Variants in NEGR1 observed in about 807,000 individuals in gnomAD.
The protein encoded by NEGR1 is IgLON family member 4.
Under a neutral mutation model 40.9 loss-of-function variants are expected in NEGR1, and 10 were observed. The ratio of observed to expected loss-of-function variants is 0.24; its 90% CI spans 0.15 to 0.42. The LOEUF is 0.42. NEGR1 is among the 10% of genes least tolerant of loss of function. NEGR1 has a pLI of 1.00. For missense variants in NEGR1, 352 were observed against 438.9 expected (o/e 0.80, Z 1.77); for synonymous variants, 185 against 166.8 (o/e 1.11, Z -0.84).
intron 1 of NEGR1, among the ~76,000 whole-genome samples, chr1:72,011,528 A>G (rs1010129272): frequency 5.9e-5 from 9 of 152,166 alleles, no homozygotes; most frequent in Admixed American, 2.6e-4. Flanking sequence ...GTCAGTCACA[A>G]GTAATCGCCA....
chr1:72,145,561 C>T (rs962947080), intron 1 of NEGR1, among the ~76,000 whole-genome samples: 1 of 152,050 alleles, frequency 6.6e-6, no homozygotes, highest in African/African-American at 2.4e-5. Flanking sequence ...TTTGTCCACT[C>T]GATGAAATGG....
chr1:71,600,573 A>C (rs1312019188), intron 5 of NEGR1, among the ~76,000 whole-genome samples: 1 of 152,198 alleles, frequency 6.6e-6, no homozygotes, highest in Non-Finnish European at 1.5e-5. Context: ...CTTACAAACA[A>C]AGGAGCCAAC....
intron 1 of NEGR1, among the ~76,000 whole-genome samples, chr1:71,962,677 TAGA>T (rs1006676544): frequency 6.6e-5 from 10 of 152,190 alleles, no homozygotes; most frequent in Admixed American, 1.3e-4. Flanking sequence ...AATGCTAATT[TAGA>T]AGAATAAAAA....
intron 1 of NEGR1, among the ~76,000 whole-genome samples, chr1:72,081,383 TAC>T (rs989225278): frequency 1.3e-5 from 2 of 152,136 alleles, no homozygotes; most frequent in Non-Finnish European, 2.9e-5. Flanking sequence ...TCAAAGATTC[TAC>T]AGTTATTATT....
intron 3 of NEGR1, among the ~76,000 whole-genome samples, chr1:71,767,829 C>T (rs978721398): frequency 7.9e-5 from 12 of 152,230 alleles, no homozygotes; most frequent in African/African-American, 2.9e-4. Context: ...AGCCTCAGAA[C>T]ATAGCTCCCT....
chr1:71,766,810 T>C (rs973218892), intron 3 of NEGR1, among the ~76,000 whole-genome samples: 1 of 152,154 alleles, frequency 6.6e-6, no homozygotes, highest in East Asian at 1.9e-4. Flanking sequence ...ACTATCCCTT[T>C]AGTGCTGTTC....
At chr1:72,088,184 A>T (rs2100539417) in intron 1 of NEGR1, among the ~76,000 whole-genome samples, 1 of 152,300 alleles carries the variant, frequency 6.6e-6, no homozygotes, top group East Asian at 1.9e-4. Flanking sequence ...ATGAAATCAT[A>T]GAGCAGGAAG....
chr1:72,115,245 TGCAC>T (rs1649538181), intron 1 of NEGR1, among the ~76,000 whole-genome samples: 2 of 151,760 alleles, frequency 1.3e-5, no homozygotes, highest in Non-Finnish European at 2.9e-5. Context: ...AATGTCATAA[TGCAC>T]TGGGTTGAGA....
intron 1 of NEGR1, among the ~76,000 whole-genome samples, chr1:71,936,067 G>C (rs966076576): frequency 5.3e-5 from 8 of 152,090 alleles, no homozygotes; most frequent in Admixed American, 1.3e-4. Flanking sequence ...CCAAAGTGCT[G>C]GGATTACAGG....
At chr1:71,573,228 G>A (rs1648860948) in intron 6 of NEGR1, among the ~76,000 whole-genome samples, 1 of 152,260 alleles carries the variant, frequency 6.6e-6, no homozygotes, top group Non-Finnish European at 1.5e-5. Context: ...AGGAAAATTG[G>A]GGAGGGAAAA....
At chr1:71,498,405 A>C (rs1275463458) in intron 6 of NEGR1, among the ~76,000 whole-genome samples, 1 of 151,944 alleles carries the variant, frequency 6.6e-6, no homozygotes, top group Non-Finnish European at 1.5e-5. Context: ...AGTAGAGCAG[A>C]TGTTGTGCTT....
intron 6 of NEGR1, among the ~76,000 whole-genome samples, chr1:71,586,660 C>G (rs564419406): frequency 6.6e-6 from 1 of 152,112 alleles, no homozygotes; most frequent in Non-Finnish European, 1.5e-5. Context: ...TGCTGGTTAT[C>G]GTCTCTCCCA....
intron 2 of NEGR1, among the ~76,000 whole-genome samples, chr1:71,886,237 G>A (rs1660719257): frequency 6.6e-6 from 1 of 152,136 alleles, no homozygotes; most frequent in South Asian, 2.1e-4. Context: ...GTTCTCCCCT[G>A]AGAATTATGA....
chr1:71,472,562 C>G (rs1646789343), intron 6 of NEGR1: 1 of 152,110 alleles, frequency 6.6e-6, no homozygotes, highest in Non-Finnish European at 1.5e-5. Flanking sequence ...GATTTATCTA[C>G]AGCTCCATTA....
At chr1:71,930,993 C>T (rs1334312304) in intron 2 of NEGR1, among the ~76,000 whole-genome samples, 1 of 152,118 alleles carries the variant, frequency 6.6e-6, no homozygotes, top group African/African-American at 2.4e-5. Flanking sequence ...CAAGGAGGCT[C>T]TCTGCAGCTG....
At chr1:72,051,203 T>C (rs1647056877) in intron 1 of NEGR1, among the ~76,000 whole-genome samples, 1 of 151,518 alleles carries the variant, frequency 6.6e-6, no homozygotes, top group Non-Finnish European at 1.5e-5. Flanking sequence ...ACCAAGATTA[T>C]GCTGAAAGGT....
At chr1:71,856,235 A>C (rs1659756423) in intron 2 of NEGR1, among the ~76,000 whole-genome samples, 1 of 152,078 alleles carries the variant, frequency 6.6e-6, no homozygotes, top group Admixed American at 6.6e-5. Context: ...CGATAGATAC[A>C]TAAGGAAATA....
rs115233613 is a variant in NEGR1 at position 71,651,873 on chromosome 1, C to T, written c.668-40727G>A. On this transcript the variant is annotated intron_variant, in intron 4 of 6. Transcript: ENST00000357731. ...ACAATTTTATAAGGTGCCAGTATTA[C>T]TTTTGTTTCAACTTTCCATACTGAA... Among the ~76,000 whole-genome samples, 1,456 of 152,032 alleles carry T rather than the reference C, an allele frequency of 9.6e-3. 28 individuals carry two copies. Among genetic ancestry groups the T allele is most frequent in the African/African-American group, 0.033 (1,349 of 41,408 alleles).
intron 2 of NEGR1, among the ~76,000 whole-genome samples, chr1:71,839,553 A>T (rs894363027): frequency 2.6e-5 from 4 of 152,024 alleles, no homozygotes; most frequent in Non-Finnish European, 5.9e-5. Flanking sequence ...CTTCAAAGGC[A>T]CCAGGGCTTT....
Sources: allele counts gnomAD v4.1 joint callset (sites outside exome capture counted in the v4.1 genomes callset), GRCh38; gene constraint gnomAD v4.1.1; transcripts MANE v1.5; gene names NCBI Gene and HGNC (gene_info 2026-07-23, HGNC 2026-07-21).